Variants in IL5 observed in about 807,000 individuals in gnomAD.
IL5 encodes the protein interleukin-5.
In IL5, 12 loss-of-function variants were observed where a neutral mutation model predicts 16.3. The observed-to-expected ratio is 0.74, with a 90% CI of 0.47 to 1.20. IL5 has a LOEUF of 1.20. Ranked by LOEUF, IL5 falls within the 50% of genes most tolerant of loss-of-function variation. IL5 has a pLI of 0.00. For missense variants in IL5, 159 were observed against 153.9 expected (o/e 1.03, Z -0.17); for synonymous variants, 54 against 56.6 (o/e 0.95, Z 0.21).
At chr5:132,551,176 AG>A (rs1749877379) in intron 1 of IL5, among the ~76,000 whole-genome samples, 1 of 152,262 alleles carries the variant, frequency 6.6e-6, no homozygotes, top group South Asian at 2.1e-4. Context: ...ACAAAGAAAA[AG>A]CACAGGAATA....
In IL5 at chr5:132,541,792, G is replaced by C. The variant is rs761200206; in HGVS notation, c.*19C>G. The C allele has an allele frequency of 1.3e-6, 2 of 1,546,976 alleles. No homozygotes were observed. Among genetic ancestry groups the C allele is most frequent in the Non-Finnish European group, 8.9e-7 (1 of 1,122,914 alleles). On this transcript the variant is annotated 3_prime_UTR_variant, in exon 4 of 4. Coordinates refer to ENST00000231454, the MANE Select transcript of IL5 (RefSeq NM_000879.3). ...TCCTTCTCCTCCAAAATCTTTGGCT[G>C]CAACAAACCAGTTTAGTCTCAACTT...
intron 1 of IL5, among the ~76,000 whole-genome samples, chr5:132,555,227 G>C (rs1749956278): frequency 6.6e-6 from 1 of 152,184 alleles, no homozygotes; most frequent in African/African-American, 2.4e-5. Flanking sequence ...GTGACCCAGG[G>C]GTTGGGGACT....
At chr5:132,554,914 G>A (rs866224870) in intron 1 of IL5, among the ~76,000 whole-genome samples, 1 of 152,316 alleles carries the variant, frequency 6.6e-6, no homozygotes. Flanking sequence ...TTTGGCACCA[G>A]GGACCAGTCT....
Position 132,541,919 on chromosome 5 carries a change from A to G in IL5, c.307-10T>C, listed in dbSNP as rs200856238. 2 of 1,612,830 alleles carry G rather than the reference A, an allele frequency of 1.2e-6. No individual in the cohort carries two copies. Among genetic ancestry groups the G allele is most frequent in the Non-Finnish European group, 1.7e-6 (2 of 1,179,054 alleles). On this transcript the variant is annotated splice_polypyrimidine_tract_variant and intron_variant, in intron 3 of 3. Coordinates refer to ENST00000231454, the MANE Select transcript of IL5 (RefSeq NM_000879.3). The stretch of plus-strand genomic sequence containing the variant: ...CTTCTCCACACTTTTTCTGTGAAAA[A>G]AGAAAAATGACAATAGGTATTACAG...
At chr5:132,551,037 G>A (rs1025799774) in intron 1 of IL5, among the ~76,000 whole-genome samples, 4 of 152,180 alleles carry the variant, frequency 2.6e-5, no homozygotes, top group Admixed American at 2.6e-4. Context: ...CTTCAAAATA[G>A]TAATGTGAAA....
chr5:132,545,980 G>T (rs749459922), upstream of IL5, among the ~76,000 whole-genome samples: 1 of 151,980 alleles, frequency 6.6e-6, no homozygotes. Context: ...AAAAAAGGAA[G>T]GCTGAAATCC....
chr5:132,548,480 C>T (rs1749828930), upstream of IL5, among the ~76,000 whole-genome samples: 1 of 152,162 alleles, frequency 6.6e-6, no homozygotes, highest in Non-Finnish European at 1.5e-5. Context: ...TACAGCAGGT[C>T]CTTGAATAAC....
At chr5:132,543,577 A>T (rs190694938), upstream of IL5, 8 of 1,242,006 alleles carry the variant, frequency 6.4e-6, no homozygotes, top group Admixed American at 1.6e-4. Flanking sequence ...GAAATGAATA[A>T]TTTCTAACAA....
In IL5 at chr5:132,542,094, C is replaced by T. The variant is rs369372374; in HGVS notation, c.227G>A (p.Ser76Asn). 6.2e-7 allele frequency: 1 copy of T among 1,613,236 alleles called. No homozygotes were observed. The highest frequency in any genetic ancestry group is 1.3e-5 in the African/African-American group (1 of 74,904). ...EIFQGIGTLESQTVQGGTVER... is the reference protein window; with the variant it reads ...EIFQGIGTLENQTVQGGTVER... The stretch of plus-strand genomic sequence containing the variant: ...CACAGTACCCCCTTGCACAGTTTGA[C>T]TCTCCAGTGTGCCTATTCCCTGAAA... Residue 76 changes from serine (S) to asparagine (N), a missense_variant, in exon 3 of 4, where the codon AGT becomes AAT. Ser to Asn is a conservative substitution (Grantham distance 46, BLOSUM62 1). Coordinates refer to ENST00000231454, the MANE Select transcript of IL5 (RefSeq NM_000879.3).
At chr5:132,542,171 A>C in intron 2 of IL5, 28 bp from the exon 3 acceptor site, 1 of 1,593,716 alleles carries the variant, frequency 6.3e-7, no homozygotes, top group East Asian at 2.2e-5. Context: ...TTAAAATGCA[A>C]ATAATCAAGA....
At chr5:132,546,313 C>T (rs904741118), upstream of IL5, among the ~76,000 whole-genome samples, 5 of 152,090 alleles carry the variant, frequency 3.3e-5, no homozygotes, top group African/African-American at 1.2e-4. Context: ...TCCCAACCCC[C>T]GCCCCCATTC....
At chr5:132,546,158 A>T (rs973494665), upstream of IL5, among the ~76,000 whole-genome samples, 1 of 152,164 alleles carries the variant, frequency 6.6e-6, no homozygotes, top group African/African-American at 2.4e-5. Context: ...TAATTGTGGC[A>T]AAATACACAT....
At chr5:132,549,411 T>C (rs1749847471) in intron 1 of IL5, among the ~76,000 whole-genome samples, 1 of 152,202 alleles carries the variant, frequency 6.6e-6, no homozygotes, top group African/African-American at 2.4e-5. Flanking sequence ...AGGAGTTCTT[T>C]GGCAGAACTC....
upstream of IL5, among the ~76,000 whole-genome samples, chr5:132,545,598 G>A (rs928384814): frequency 1.3e-5 from 2 of 152,178 alleles, no homozygotes; most frequent in Admixed American, 6.5e-5. Flanking sequence ...ACCAGTGAGT[G>A]AAATGGGCAG....
chr5:132,542,850 C>G (rs1749719694), intron 2 of IL5, among the ~76,000 whole-genome samples: 1 of 152,174 alleles, frequency 6.6e-6, no homozygotes, highest in Non-Finnish European at 1.5e-5. Context: ...GAAAGAATCC[C>G]TGACACGATG....
At chr5:132,543,702 C>T (rs1373040208), upstream of IL5, 3 of 373,732 alleles carry the variant, frequency 8.0e-6, no homozygotes, top group African/African-American at 4.2e-5. Flanking sequence ...CTGTTTCCCC[C>T]CTTTAAAAAC....
chr5:132,554,745 A>G lies in IL5; in HGVS notation c.42+1929T>C, dbSNP rs75073021. The stretch of plus-strand genomic sequence containing the variant: ...GTCCAGAAGTGACATTTGTACACCA[A>G]TATATATAGCCACACTATTCACAAT... On this transcript the variant is annotated intron_variant, in intron 1 of 2. Coordinates refer to the IL5 transcript ENST00000450655. 2.9e-4 allele frequency among the ~76,000 whole-genome samples: 44 copies of G among 152,324 alleles called. No homozygotes were observed. In the East Asian group the frequency reaches 3.7e-3, roughly 13 times the overall value.
chr5:132,543,847 A>G (rs1010800111), upstream of IL5: 11 of 161,946 alleles, frequency 6.8e-5, no homozygotes, highest in Admixed American at 5.5e-4. Flanking sequence ...ACAGAATTTT[A>G]TGCTAAAATA....
intron 1 of IL5, among the ~76,000 whole-genome samples, chr5:132,554,141 G>A (rs541161318): frequency 7.1e-4 from 108 of 152,028 alleles, no homozygotes; most frequent in Non-Finnish European, 6.8e-4. Flanking sequence ...GCCGAGGCGG[G>A]TGGATCACAA....
Sources: gnomAD v4.1 joint callset for allele counts (sites outside exome capture counted in the v4.1 genomes callset) on GRCh38, gnomAD v4.1.1 for gene constraint, MANE v1.5 for transcripts, NCBI Gene and HGNC (gene_info 2026-07-23, HGNC 2026-07-21) for gene names.